The following GPR158 variants were observed in gnomAD, a reference collection of about 807,000 sequenced individuals.
The protein encoded by GPR158 is G protein-coupled receptor 158, also known as metabotropic glycine receptor.
GPR158 carries 30 observed loss-of-function variants against 78.2 expected under a neutral mutation model. That is an observed-to-expected ratio of 0.38 (90% CI 0.29 to 0.52). GPR158 has a LOEUF of 0.52. GPR158 is among the 20% of genes least tolerant of loss of function. GPR158 has a pLI of 0.83. For missense variants in GPR158, 1,463 were observed against 1,523.5 expected (o/e 0.96, Z 0.66); for synonymous variants, 581 against 591.1 (o/e 0.98, Z 0.25).
At chr10:25,235,693 A>ATTTT (rs930396368) in intron 2 of GPR158, among the ~76,000 whole-genome samples, 20 of 113,780 alleles carry the variant, frequency 1.8e-4, no homozygotes, top group African/African-American at 4.1e-4. Flanking sequence ...TTGCACAGTA[A>ATTTT]TTTTTTTTTT....
At chr10:25,282,630 A>G (rs1299331827) in intron 2 of GPR158, among the ~76,000 whole-genome samples, 1 of 152,092 alleles carries the variant, frequency 6.6e-6, no homozygotes, top group Admixed American at 6.6e-5. Flanking sequence ...CCTTGCCATC[A>G]CTTTCAATTT....
intron 2 of GPR158, among the ~76,000 whole-genome samples, chr10:25,272,346 T>C (rs940300584): frequency 1.3e-5 from 2 of 152,222 alleles, no homozygotes; most frequent in African/African-American, 4.8e-5. Context: ...AATTTTGATA[T>C]GGTGCTTTTT....
chr10:25,356,698 G>A (rs1408934270), intron 2 of GPR158, among the ~76,000 whole-genome samples: 2 of 152,040 alleles, frequency 1.3e-5, no homozygotes, highest in Non-Finnish European at 1.5e-5. Context: ...TGAGGCCTCC[G>A]CAGCCATGTG....
chr10:25,530,172 A>G (rs936909620), intron 5 of GPR158, among the ~76,000 whole-genome samples: 1 of 152,138 alleles, frequency 6.6e-6, no homozygotes, highest in Non-Finnish European at 1.5e-5. Flanking sequence ...TGGAACAGTA[A>G]CTGTGTGGCT....
intron 4 of GPR158, among the ~76,000 whole-genome samples, chr10:25,423,017 T>C (rs1414952723): frequency 6.6e-6 from 1 of 152,064 alleles, no homozygotes; most frequent in Non-Finnish European, 1.5e-5. Context: ...TCCAGGTTGC[T>C]GCGAATGCCA....
At chr10:25,533,653 T>C (rs1836454020) in intron 5 of GPR158, among the ~76,000 whole-genome samples, 1 of 152,230 alleles carries the variant, frequency 6.6e-6, no homozygotes, top group Admixed American at 6.5e-5. Flanking sequence ...TTGTCGGCAG[T>C]GTTCAGTTCA....
In GPR158 at chr10:25,262,033, T is replaced by C. The variant is rs551405821; in HGVS notation, c.1008+40876T>C. ...GTAATAATGACTTATCTCTTGCAAG[T>C]AAAACAAGTTGTTACATGTTCTGAA... On this transcript the variant is annotated intron_variant, in intron 2 of 10. Coordinates refer to ENST00000376351, the MANE Select transcript of GPR158 (RefSeq NM_020752.3). Among the ~76,000 whole-genome samples, 8 of 152,240 alleles carry C rather than the reference T, an allele frequency of 5.3e-5. No homozygotes were observed. In the East Asian group the frequency reaches 1.5e-3, roughly 29 times the overall value.
intron 2 of GPR158, among the ~76,000 whole-genome samples, chr10:25,271,205 T>G (rs903043062): frequency 2.0e-5 from 3 of 152,206 alleles, no homozygotes; most frequent in African/African-American, 7.2e-5. Flanking sequence ...AGAAGCTGCT[T>G]CTAACTTCAG....
chr10:25,511,243 A>G (rs1231938551), intron 5 of GPR158, among the ~76,000 whole-genome samples: 1 of 152,162 alleles, frequency 6.6e-6, no homozygotes, highest in Non-Finnish European at 1.5e-5. Context: ...CCATTCTTGC[A>G]GAAGTAAAGT....
chr10:25,422,883 T>TA (rs1834770836), intron 4 of GPR158, among the ~76,000 whole-genome samples: 1 of 123,602 alleles, frequency 8.1e-6, no homozygotes, highest in Non-Finnish European at 1.7e-5. Context: ...GTCCCCAAAG[T>TA]TCATTGTATC....
chr10:25,490,741 C>T (rs374560749), intron 5 of GPR158, among the ~76,000 whole-genome samples: 65 of 147,390 alleles, frequency 4.4e-4, no homozygotes, highest in Admixed American at 1.4e-3. Flanking sequence ...TGAATAATGC[C>T]GCAATAAACA....
At chr10:25,423,128 T>TATATAC in intron 4 of GPR158, among the ~76,000 whole-genome samples, 1 of 140,704 alleles carries the variant, frequency 7.1e-6, no homozygotes, top group South Asian at 2.4e-4. Flanking sequence ...TACATATATA[T>TATATAC]GTATATACAT....
At chr10:25,207,539 C>T (rs1186190780) in intron 1 of GPR158, among the ~76,000 whole-genome samples, 2 of 152,092 alleles carry the variant, frequency 1.3e-5, no homozygotes, top group African/African-American at 4.8e-5. Flanking sequence ...CTAGATCCCT[C>T]GCATATGCAG....
chr10:25,220,227 G>T (rs572813492), intron 1 of GPR158, among the ~76,000 whole-genome samples: 4 of 152,150 alleles, frequency 2.6e-5, no homozygotes, highest in Non-Finnish European at 5.9e-5. Flanking sequence ...GTGTGATAGT[G>T]CAGTGTTGGA....
intron 2 of GPR158, among the ~76,000 whole-genome samples, chr10:25,344,288 A>AATAT (rs1443933384): frequency 6.6e-6 from 1 of 151,864 alleles, no homozygotes; most frequent in South Asian, 2.1e-4. Context: ...TAATTTATAA[A>AATAT]ATATATATTT....
At chr10:25,523,508 A>C (rs918117644) in intron 5 of GPR158, among the ~76,000 whole-genome samples, 16 of 152,244 alleles carry the variant, frequency 1.1e-4, no homozygotes, top group African/African-American at 3.4e-4. Flanking sequence ...TAAAGTTTTT[A>C]TAATTGCCTG....
chr10:25,197,163 A>G (rs1234584899), intron 1 of GPR158, among the ~76,000 whole-genome samples: 1 of 152,222 alleles, frequency 6.6e-6, no homozygotes, highest in African/African-American at 2.4e-5. Context: ...CAAGAACGTG[A>G]ACCTAGGCCC....
intron 7 of GPR158, among the ~76,000 whole-genome samples, chr10:25,577,507 C>T (rs1384031515): frequency 2.0e-5 from 3 of 152,148 alleles, no homozygotes; most frequent in Admixed American, 2.0e-4. Context: ...AAAAACAATC[C>T]CTTTTTCAAA....
At chr10:25,314,141 A>T (rs1001331582) in intron 2 of GPR158, among the ~76,000 whole-genome samples, 1 of 152,182 alleles carries the variant, frequency 6.6e-6, no homozygotes, top group Non-Finnish European at 1.5e-5. Flanking sequence ...TCACTCTGTC[A>T]CCAGGCTGGA....
Sources: gnomAD v4.1 joint callset for allele counts (sites outside exome capture counted in the v4.1 genomes callset) on GRCh38, gnomAD v4.1.1 for gene constraint, MANE v1.5 for transcripts, NCBI Gene and HGNC (gene_info 2026-07-23, HGNC 2026-07-21) for gene names.